NSD3: variants seen among roughly 807,000 people sequenced by gnomAD.
The protein encoded by NSD3 is histone-lysine N-methyltransferase NSD3.
In NSD3, 24 loss-of-function variants were observed where a neutral mutation model predicts 160.8. The observed-to-expected ratio is 0.15, with a 90% CI of 0.11 to 0.21. The LOEUF is 0.21. NSD3 is among the 10% of genes least tolerant of loss of function. The probability of loss-of-function intolerance (pLI) is 1.00; values close to 1 mark genes in which losing one functional copy is unlikely to be tolerated. For missense variants in NSD3, 1,157 were observed against 1,735.9 expected (o/e 0.67, Z 5.93); for synonymous variants, 520 against 600.0 (o/e 0.87, Z 1.95).
At chr8:38,357,436 A>T (rs1162986376) in intron 1 of NSD3, among the ~76,000 whole-genome samples, 1 of 152,196 alleles carries the variant, frequency 6.6e-6, no homozygotes, top group Admixed American at 6.5e-5. Flanking sequence ...ATATAAAATC[A>T]CTGGAAATTT....
chr8:38,372,958 G>A lies in NSD3; in HGVS notation c.-45+8841C>T, dbSNP rs191672966. Among the ~76,000 whole-genome samples the A allele has an allele frequency of 1.6e-3, 241 of 150,654 alleles. 1 individual carries two copies. The highest frequency in any genetic ancestry group is 5.5e-3 in the African/African-American group (226 of 41,184). The stretch of plus-strand genomic sequence containing the variant: ...CGAGCTACTCGGAAGGCTGACGCAG[G>A]CGAATCGCTTGAACCCGGGACGCGG... On this transcript the variant is annotated intron_variant, in intron 1 of 23. Transcript: ENST00000317025.
chr8:38,380,972 T>C (rs1161847280), intron 1 of NSD3, among the ~76,000 whole-genome samples: 3 of 151,998 alleles, frequency 2.0e-5, no homozygotes, highest in Non-Finnish European at 4.4e-5. Context: ...GCCTTCTCCC[T>C]CAAAACAGTA....
rs1053023002 is a variant in NSD3 at position 38,296,649 on chromosome 8, CCT to C, written c.2759-699_2759-698del. Among the ~76,000 whole-genome samples, 4 of 148,394 alleles carry C rather than the reference CCT, an allele frequency of 2.7e-5. No homozygotes were observed. In the East Asian group the frequency reaches 6.0e-4, roughly 22 times the overall value. ...AAATATTTTATCAACAACCAAAAAA[CCT>C]CTCTTTCTCTCTCTCTCTCCCTCTG... On this transcript the variant is annotated intron_variant, in intron 15 of 23. Transcript: ENST00000317025.
intron 1 of NSD3, among the ~76,000 whole-genome samples, chr8:38,365,415 A>T (rs574040550): frequency 6.6e-6 from 1 of 152,362 alleles, no homozygotes; most frequent in Non-Finnish European, 1.5e-5. Context: ...ATAAACATGG[A>T]AATTTCAGAT....
chr8:38,313,737 T>C (rs1046030861), intron 12 of NSD3, among the ~76,000 whole-genome samples: 3 of 145,922 alleles, frequency 2.1e-5, no homozygotes, highest in African/African-American at 5.1e-5. Flanking sequence ...GCGGTGAGCC[T>C]AGATTGTGCC....
chr8:38,366,778 TA>T, intron 1 of NSD3, among the ~76,000 whole-genome samples: 1 of 152,192 alleles, frequency 6.6e-6, no homozygotes, highest in Non-Finnish European at 1.5e-5. Flanking sequence ...CGTAGCTATT[TA>T]AATTTAAACA....
chr8:38,315,785 A>G (rs1809647001), intron 10 of NSD3, 127 bp downstream of exon 10: 16 of 1,379,508 alleles, frequency 1.2e-5, no homozygotes, highest in African/African-American at 5.9e-5. Flanking sequence ...GAATTAAGAC[A>G]CTCAAAATAA....
chr8:38,274,319 G>A lies in NSD3; in HGVS notation c.*1322C>T, dbSNP rs1289320619. ...CATCTTGGTATACTCGCATCTATAAGAGTCAAGCATCACCATCAACCATTT... is the reference window on the plus strand; with the variant it reads ...CATCTTGGTATACTCGCATCTATAAAAGTCAAGCATCACCATCAACCATTT... On this transcript the variant is annotated 3_prime_UTR_variant, in exon 24 of 24. Coordinates refer to ENST00000317025, the MANE Select transcript of NSD3 (RefSeq NM_023034.2). 6.6e-6 allele frequency: 1 copy of A among 152,216 alleles called. No homozygotes were observed. The highest frequency in any genetic ancestry group is 1.9e-4 in the East Asian group (1 of 5,198). The allele number at this position is 152,216 out of a possible 1,614,324, so 9.4% of individuals were successfully genotyped here.
intron 14 of NSD3, among the ~76,000 whole-genome samples, chr8:38,302,335 T>C (rs527977116): frequency 1.3e-5 from 2 of 152,378 alleles, no homozygotes; most frequent in South Asian, 4.1e-4. Context: ...GAACACATAT[T>C]ATTTACTTCT....
intron 1 of NSD3, among the ~76,000 whole-genome samples, chr8:38,355,443 C>G (rs990458497): frequency 6.6e-6 from 1 of 151,362 alleles, no homozygotes; most frequent in Admixed American, 6.6e-5. Context: ...CCTAAAGGTA[C>G]TTTCAATCTC....
chr8:38,349,512 G>A (rs536202373), intron 1 of NSD3, among the ~76,000 whole-genome samples: 1 of 151,104 alleles, frequency 6.6e-6, no homozygotes, highest in African/African-American at 2.4e-5. Context: ...CTGTTTTTGT[G>A]CACATATATA....
In NSD3 at chr8:38,281,515, T is replaced by C; in HGVS notation, c.3570A>G (p.Arg1190=). The C allele has an allele frequency of 6.2e-7, 1 of 1,606,450 alleles. No individual in the cohort carries two copies. The highest frequency in any genetic ancestry group is 8.5e-7 in the Non-Finnish European group (1 of 1,175,976). ...AATTAGTTACACTGTTCTCGTGGGCTCGCTTGATTCGCAATCTGCATTCTT... is the reference window on the plus strand; with the variant it reads ...AATTAGTTACACTGTTCTCGTGGGCCCGCTTGATTCGCAATCTGCATTCTT... The part of the protein sequence containing the change: ...DEEECRLRIK[R]AHENSVTNFY... Residue 1190 remains arginine, a synonymous_variant, in exon 20 of 24, where the codon CGA becomes CGG. Coordinates refer to ENST00000317025, the MANE Select transcript of NSD3 (RefSeq NM_023034.2).
At chr8:38,332,705 C>CT (rs1253279048) in intron 4 of NSD3, among the ~76,000 whole-genome samples, 1 of 151,574 alleles carries the variant, frequency 6.6e-6, no homozygotes, top group Non-Finnish European at 1.5e-5. Flanking sequence ...GAATCTTGCA[C>CT]TAGGTGTTTT....
In NSD3 at chr8:38,329,931, C is replaced by G. The variant is rs747950034; in HGVS notation, c.1066-38G>C. 1.3e-6 allele frequency: 2 copies of G among 1,515,814 alleles called. No individual in the cohort carries two copies. The highest frequency in any genetic ancestry group is 2.2e-5 in the Admixed American group (1 of 45,470). 93.9% of individuals were successfully genotyped at this position (1,515,814 alleles called of 1,614,324 possible). A position where few individuals can be genotyped will look rare whatever the true frequency, so the allele number is the denominator to read the frequency against. On this transcript the variant is annotated intron_variant, in intron 5 of 23. Coordinates refer to ENST00000317025, the MANE Select transcript of NSD3 (RefSeq NM_023034.2). The surrounding 1 kb of genome is among the most constrained non-coding windows in gnomAD (Gnocchi z 4.8). ...TAGAGATTATCAGACATGCTTTACT[C>G]TAATAGGTACATTAAAATTGATATG...
intron 19 of NSD3, among the ~76,000 whole-genome samples, chr8:38,282,441 C>T (rs955523622): frequency 6.6e-6 from 1 of 152,360 alleles, no homozygotes; most frequent in African/African-American, 2.4e-5. Flanking sequence ...GAGGCCAAGG[C>T]GGGTGGATCA....
At chr8:38,290,232 T>C (rs1261320880) in intron 17 of NSD3, among the ~76,000 whole-genome samples, 1 of 151,930 alleles carries the variant, frequency 6.6e-6, no homozygotes, top group Non-Finnish European at 1.5e-5. Context: ...AAAAAGACTA[T>C]TCCTAGAATA....
At position 38,317,469 on chromosome 8, in the gene NSD3, C is replaced by T; in HGVS notation, c.1855+1426G>A. ...AGGCTTTCGAAGGGAAACACAGGTA[C>T]CGCCATTTCCGATGAGTTTCTGAAA... On this transcript the variant is annotated intron_variant, in intron 9 of 23. Coordinates refer to ENST00000317025, the MANE Select transcript of NSD3 (RefSeq NM_023034.2). This position sits in a 1 kb window ranked among gnomAD's most constrained non-coding sequence, Gnocchi z 5.3. 1 of 1,056,966 alleles carries T rather than the reference C, an allele frequency of 9.5e-7. No homozygotes were observed. The highest frequency in any genetic ancestry group is 1.1e-6 in the Non-Finnish European group (1 of 874,086). 65.5% of individuals were successfully genotyped at this position (1,056,966 alleles called of 1,614,324 possible).
Position 38,288,785 on chromosome 8 carries a change from AG to A in NSD3, c.3232-30del. On this transcript the variant is annotated intron_variant, in intron 18 of 23. Transcript: ENST00000317025. The surrounding 1 kb of genome is among the most constrained non-coding windows in gnomAD (Gnocchi z 4.5). ...GAAAACAAAATCGCAAGCGAGAGAG[AG>A]GCAGCAGGTAAGTCATCTGGCAATG... The A allele has an allele frequency of 6.2e-7, 1 of 1,604,576 alleles. No homozygotes were observed. Among genetic ancestry groups the A allele is most frequent in the Non-Finnish European group, 8.5e-7 (1 of 1,173,170 alleles).
At chr8:38,305,785 T>A (rs2171616) in intron 12 of NSD3, among the ~76,000 whole-genome samples, 33,874 of 152,124 alleles carry the variant, frequency 0.22, 4,010 homozygotes, top group East Asian at 0.31. Flanking sequence ...AAGGAAAGTC[T>A]GATTCCATTA....
Sources: gnomAD v4.1 joint callset for allele counts (sites outside exome capture counted in the v4.1 genomes callset) on GRCh38, gnomAD v4.1.1 for gene constraint, Gnocchi (gnomAD v3.1) non-coding constraint, MANE v1.5 for transcripts, NCBI Gene and HGNC (gene_info 2026-07-23, HGNC 2026-07-21) for gene names.